The following TBC1D23 variants were observed in gnomAD, a reference collection of about 807,000 sequenced individuals.
TBC1D23 encodes TBC1 domain family member 23.
TBC1D23 carries 55 observed loss-of-function variants against 91.4 expected under a neutral mutation model. That is an observed-to-expected ratio of 0.60 (90% confidence interval 0.48 to 0.75). The LOEUF (loss-of-function observed/expected upper bound fraction) is 0.75. Among genes scored for constraint, TBC1D23 ranks in the 30% least tolerant of loss-of-function variants. The probability of loss-of-function intolerance (pLI) is 0.00; values close to 1 mark genes in which losing one functional copy is unlikely to be tolerated. For synonymous variants in TBC1D23, 289 were observed against 281.0 expected, an observed-to-expected ratio of 1.03 and a Z score of -0.28; for missense variants, 725 against 836.1, an observed-to-expected ratio of 0.87 and a Z score of 1.64.
At chr3:100,301,255 A>T (rs1237353387) in intron 10 of TBC1D23, among the ~76,000 whole-genome samples, 2 of 139,434 alleles carry the variant, frequency 1.4e-5, no homozygotes, top group Non-Finnish European at 3.0e-5. Flanking sequence ...CCTGGGTGAC[A>T]GAGGGAGATT....
chr3:100,316,212 A>G, intron 16 of TBC1D23, 25 bp downstream of exon 16: 1 of 1,556,078 alleles, frequency 6.4e-7, no homozygotes, highest in Non-Finnish European at 8.9e-7. Flanking sequence ...TTAGCTACAG[A>G]CAGCTTTGCT....
intron 1 of TBC1D23, among the ~76,000 whole-genome samples, chr3:100,264,805 G>A (rs2067544841): frequency 6.6e-6 from 1 of 152,102 alleles, no homozygotes. Context: ...CATTGTTTTT[G>A]CTGATTTTCA....
At chr3:100,314,909 T>C (rs1705706687) in intron 15 of TBC1D23, among the ~76,000 whole-genome samples, 1 of 152,204 alleles carries the variant, frequency 6.6e-6, no homozygotes, top group African/African-American at 2.4e-5. Flanking sequence ...AGCTAGAGTC[T>C]TCCTTTGTAG....
At chr3:100,318,389 A>C (rs558174770) in intron 16 of TBC1D23, among the ~76,000 whole-genome samples, 1 of 152,150 alleles carries the variant, frequency 6.6e-6, no homozygotes, top group Non-Finnish European at 1.5e-5. Flanking sequence ...ATAAAACGAA[A>C]TCTGCCATCT....
intron 16 of TBC1D23, among the ~76,000 whole-genome samples, 190 bp from the exon 17 acceptor site, chr3:100,318,879 C>G (rs1167400473): frequency 6.6e-6 from 1 of 152,074 alleles, no homozygotes; most frequent in Non-Finnish European, 1.5e-5. Flanking sequence ...TCTCCAACTC[C>G]TGCCCTCAGG....
intron 15 of TBC1D23, among the ~76,000 whole-genome samples, chr3:100,312,301 T>G (rs1489753765): frequency 2.6e-5 from 4 of 152,192 alleles, no homozygotes; most frequent in Admixed American, 2.6e-4. Context: ...GTTCAAAATT[T>G]TTGTTAATTT....
rs1297806981 is a variant in TBC1D23 at position 100,325,157 on chromosome 3, A to G, written c.*1489A>G. On this transcript the variant is annotated 3_prime_UTR_variant, in exon 19 of 19. Transcript: ENST00000394144. ...TTTTCACCCATTTCAGCCATGGGAC[A>G]TTTTTCATAATATTAATGTAAAGAT... The G allele has an allele frequency of 2.0e-5, 3 of 152,112 alleles. No homozygotes were observed. The highest frequency in any genetic ancestry group is 1.3e-4 in the Admixed American group (2 of 15,266). The allele number at this position is 152,112 out of a possible 1,614,324, so 9.4% of individuals were successfully genotyped here.
chr3:100,304,875 T>C lies in TBC1D23; in HGVS notation c.1293T>C (p.Ser431=). 6.7e-7 allele frequency: 1 copy of C among 1,501,204 alleles called. No individual in the cohort carries two copies. The highest frequency in any genetic ancestry group is 9.3e-7 in the Non-Finnish European group (1 of 1,079,740). 93.0% of individuals were successfully genotyped at this position (1,501,204 alleles called of 1,614,324 possible). A position where few individuals can be genotyped will look rare whatever the true frequency, so the allele number is the denominator to read the frequency against. ...ACAAAGAATATGTGAGTATTGCCAG[T>C]GGAGGATTTATGGGTAAGATTTTGA... ...QKNKEYVSIA[S]GGFMALQQHL... The change falls in exon 12 of 19, where the codon AGT becomes AGC. Residue 431 remains serine, a synonymous_variant. Transcript: ENST00000394144.
intron 11 of TBC1D23, among the ~76,000 whole-genome samples, chr3:100,302,939 G>C (rs1705459037): frequency 6.6e-6 from 1 of 152,148 alleles, no homozygotes; most frequent in Admixed American, 6.5e-5. Context: ...ACTTTTTACA[G>C]TAACTATATG....
intron 10 of TBC1D23, 121 bp from the exon 11 acceptor site, chr3:100,301,946 T>TC: frequency 1.5e-6 from 1 of 668,362 alleles, no homozygotes; most frequent in South Asian, 2.0e-5. Flanking sequence ...AGCCTTTTTT[T>TC]CCCCTTCATT....
intron 15 of TBC1D23, among the ~76,000 whole-genome samples, chr3:100,312,509 T>C (rs1282091732): frequency 1.3e-5 from 2 of 152,266 alleles, no homozygotes; most frequent in East Asian, 3.9e-4. Flanking sequence ...CTAACCCAAA[T>C]AAAACGAGGT....
At chr3:100,321,026 G>A (rs1313489900) in intron 18 of TBC1D23, 55 bp downstream of exon 18, 15 of 1,291,058 alleles carry the variant, frequency 1.2e-5, no homozygotes, top group African/African-American at 6.0e-5. Context: ...CTGAATTACT[G>A]TAGTTCACTA....
At chr3:100,303,069 G>A (rs963780113) in intron 11 of TBC1D23, among the ~76,000 whole-genome samples, 1 of 152,142 alleles carries the variant, frequency 6.6e-6, no homozygotes, top group Non-Finnish European at 1.5e-5. Context: ...ATTTGAATTA[G>A]TGATTTTATG....
At chr3:100,293,180 CTG>C (rs1343766134) in intron 5 of TBC1D23, among the ~76,000 whole-genome samples, 3 of 152,076 alleles carry the variant, frequency 2.0e-5, no homozygotes, top group Non-Finnish European at 4.4e-5. Context: ...TTCACCCAGA[CTG>C]GAGTGCAGTG....
chr3:100,304,002 A>G (rs1469688485), intron 11 of TBC1D23, among the ~76,000 whole-genome samples: 1 of 152,176 alleles, frequency 6.6e-6, no homozygotes, highest in Non-Finnish European at 1.5e-5. Flanking sequence ...CATCATTATC[A>G]TACTTTATTA....
chr3:100,286,678 A>G (rs2067745557), intron 4 of TBC1D23, among the ~76,000 whole-genome samples: 1 of 152,036 alleles, frequency 6.6e-6, no homozygotes, highest in Admixed American at 6.6e-5. Context: ...TTGTGTTTTT[A>G]GTAGAGATGG....
At chr3:100,285,510 T>C (rs2067733805) in intron 4 of TBC1D23, among the ~76,000 whole-genome samples, 1 of 152,258 alleles carries the variant, frequency 6.6e-6, no homozygotes, top group South Asian at 2.1e-4. Context: ...TGTTTTCACT[T>C]TTTTACTATT....
chr3:100,294,257 T>G (rs55950446), intron 5 of TBC1D23, among the ~76,000 whole-genome samples: 40,047 of 151,640 alleles, frequency 0.26, 5,730 homozygotes, highest in Non-Finnish European at 0.32. Context: ...TTATTTTTTT[T>G]TGTGTTTATT....
Position 100,261,060 on chromosome 3 carries a change from CG to C in TBC1D23, c.44del (p.Gly15AlafsTer22), listed in dbSNP as rs1472220201. The C allele has an allele frequency of 6.2e-7, 1 of 1,613,778 alleles. No individual in the cohort carries two copies. Among genetic ancestry groups the C allele is most frequent in the Non-Finnish European group, 8.5e-7 (1 of 1,179,660 alleles). On this transcript the variant is annotated frameshift_variant, in exon 1 of 19. Transcript: ENST00000394144. LOFTEE classifies it high-confidence loss of function. Reference sequence around the variant, plus strand: ...ATGTGCCGCCGCTGCCAACGTCGAGCGGCGACGGCTGGTGAGTGAAAGCCGG... The same window carrying C: ...ATGTGCCGCCGCTGCCAACGTCGAGCGCGACGGCTGGTGAGTGAAAGCCGG... Reference protein sequence around the residue: ...EDVPPLPTSSGDGWEKDLEEA... With the variant: ...EDVPPLPTSSXDGWEKDLEEA...
Sources: gnomAD v4.1 joint callset for allele counts (sites outside exome capture counted in the v4.1 genomes callset) on GRCh38, gnomAD v4.1.1 for gene constraint, MANE v1.5 for transcripts, NCBI Gene and HGNC (gene_info 2026-07-23, HGNC 2026-07-21) for gene names.